Variants in CLMN observed in about 807,000 individuals in gnomAD.
The protein encoded by CLMN is calmin (calponin-like, transmembrane).
In CLMN, 57 loss-of-function variants were observed where a neutral mutation model predicts 92.7. The observed-to-expected ratio is 0.61, with a 90% CI of 0.50 to 0.77. The LOEUF (loss-of-function observed/expected upper bound fraction) is 0.77. Among genes scored for constraint, CLMN ranks in the 30% least tolerant of loss-of-function variants. The pLI is 0.00. For missense variants in CLMN, 1,158 were observed against 1,237.5 expected (o/e 0.94, Z 0.96); for synonymous variants, 466 against 470.6 (o/e 0.99, Z 0.13).
At chr14:95,307,158 G>T (rs1901320810) in intron 1 of CLMN, among the ~76,000 whole-genome samples, 1 of 152,114 alleles carries the variant, frequency 6.6e-6, no homozygotes, top group Admixed American at 6.6e-5. Flanking sequence ...CCACCAAAAA[G>T]ACATGGTCGG....
Position 95,193,376 on chromosome 14 carries a change from A to T in CLMN, c.2840+473T>A, listed in dbSNP as rs778995180. 5.2e-6 allele frequency: 8 copies of T among 1,535,034 alleles called. No homozygotes were observed. In the South Asian group the frequency reaches 8.3e-5, roughly 16 times the overall value. On this transcript the variant is annotated intron_variant, in intron 12 of 12. Coordinates refer to ENST00000298912, the MANE Select transcript of CLMN (RefSeq NM_024734.4). The stretch of plus-strand genomic sequence containing the variant: ...TCTTCATGTCTGCTCTGATGCCATA[A>T]AACTGTAAAATCAGCTCAGTAAGCT...
At chr14:95,198,155 T>C (rs759915837) in intron 9 of CLMN, among the ~76,000 whole-genome samples, 1 of 150,836 alleles carries the variant, frequency 6.6e-6, no homozygotes, top group Non-Finnish European at 1.5e-5. Flanking sequence ...GTTTAAGTGA[T>C]TTTTCTGCCT....
chr14:95,224,680 G>C (rs1266927285), intron 2 of CLMN, among the ~76,000 whole-genome samples: 1 of 152,182 alleles, frequency 6.6e-6, no homozygotes, highest in African/African-American at 2.4e-5. Context: ...CCTGTTTCCT[G>C]TATCCGGCCA....
At position 95,319,860 on chromosome 14, in the gene CLMN, G is replaced by C. The variant is rs1901974085; in HGVS notation, c.-68C>G. The C allele has an allele frequency of 1.1e-6, 1 of 918,192 alleles. No homozygotes were observed. The highest frequency in any genetic ancestry group is 2.1e-5 in the African/African-American group (1 of 48,448). 56.9% of individuals were successfully genotyped at this position (918,192 alleles called of 1,614,324 possible). Reference sequence around the variant, plus strand: ...CGGGCGCGGAGAGCCTGGCTGGCGGGCGCGCGAGCGGCACGCACCCGGCGA... The same window carrying C: ...CGGGCGCGGAGAGCCTGGCTGGCGGCCGCGCGAGCGGCACGCACCCGGCGA... On this transcript the variant is annotated 5_prime_UTR_variant, in exon 1 of 13. Coordinates refer to ENST00000298912, the MANE Select transcript of CLMN (RefSeq NM_024734.4).
Position 95,313,837 on chromosome 14 carries a change from T to G in CLMN, c.82+5874A>C, listed in dbSNP as rs116678321. Among the ~76,000 whole-genome samples, 567 of 152,272 alleles carry G rather than the reference T, an allele frequency of 3.7e-3. 1 individual carries two copies. Among genetic ancestry groups the G allele is most frequent in the African/African-American group, 0.013 (542 of 41,558 alleles). On this transcript the variant is annotated intron_variant, in intron 1 of 12. Coordinates refer to ENST00000298912, the MANE Select transcript of CLMN (RefSeq NM_024734.4). ...TTGTCCAGAGCCTCAGCTATTTCAG[T>G]GAAAAATTAAATGCCAGAGTGTTCC...
intron 1 of CLMN, among the ~76,000 whole-genome samples, chr14:95,313,581 T>C (rs1566927940): frequency 6.6e-6 from 1 of 151,908 alleles, no homozygotes; most frequent in African/African-American, 2.4e-5. Context: ...GCTGCACTTA[T>C]GATTTCTGAT....
chr14:95,221,904 A>G, intron 3 of CLMN, 130 bp from the exon 4 acceptor site: 2 of 787,250 alleles, frequency 2.5e-6, no homozygotes, highest in Non-Finnish European at 4.0e-6. Flanking sequence ...GCTCACAGCT[A>G]AAACCCACCT....
In CLMN at chr14:95,200,487, C is replaced by T. The variant is rs138184635; in HGVS notation, c.2511+2351G>A. 3.6e-3 allele frequency among the ~76,000 whole-genome samples: 555 copies of T among 152,312 alleles called. 6 individuals carry two copies. The highest frequency in any genetic ancestry group is 0.012 in the African/African-American group (516 of 41,576). ...CCCTTCTCCTCCCTGGCTGTCTTGC[C>T]CTGGATGCCCTGTGTGCACTATATC... On this transcript the variant is annotated intron_variant, in intron 9 of 12. Coordinates refer to ENST00000298912, the MANE Select transcript of CLMN (RefSeq NM_024734.4).
At chr14:95,289,522 CAAAA>C (rs1566915819) in intron 1 of CLMN, among the ~76,000 whole-genome samples, 2 of 149,066 alleles carry the variant, frequency 1.3e-5, no homozygotes, top group East Asian at 2.0e-4. Flanking sequence ...AACAAACAAA[CAAAA>C]AAACCGTTGT....
At chr14:95,312,091 A>G (rs149028213) in intron 1 of CLMN, among the ~76,000 whole-genome samples, 1 of 152,254 alleles carries the variant, frequency 6.6e-6, no homozygotes, top group Non-Finnish European at 1.5e-5. Flanking sequence ...AGAAACCTAC[A>G]GGGCAGTCTA....
chr14:95,251,109 A>G (rs1223308501), intron 1 of CLMN, among the ~76,000 whole-genome samples: 1 of 152,114 alleles, frequency 6.6e-6, no homozygotes, highest in Non-Finnish European at 1.5e-5. Flanking sequence ...TGGAATACGC[A>G]TTTGGCGTCT....
chr14:95,268,069 G>A (rs193151705), intron 1 of CLMN, among the ~76,000 whole-genome samples: 39 of 152,226 alleles, frequency 2.6e-4, no homozygotes, highest in South Asian at 4.2e-4. Context: ...TAAAAATTCC[G>A]TTGGATAAAA....
At chr14:95,304,175 A>C (rs1472757721) in intron 1 of CLMN, among the ~76,000 whole-genome samples, 3 of 152,112 alleles carry the variant, frequency 2.0e-5, no homozygotes, top group African/African-American at 7.2e-5. Flanking sequence ...TTGTCTCTAC[A>C]AAAAAATAAA....
chr14:95,249,993 G>C (rs915999792), intron 1 of CLMN, among the ~76,000 whole-genome samples: 2 of 152,140 alleles, frequency 1.3e-5, no homozygotes, highest in African/African-American at 4.8e-5. Flanking sequence ...CTTTTTAAAA[G>C]GGGGCAGACA....
At chr14:95,223,576 G>A (rs1316815900) in intron 3 of CLMN, among the ~76,000 whole-genome samples, 184 bp downstream of exon 3, 1 of 151,614 alleles carries the variant, frequency 6.6e-6, no homozygotes, top group Non-Finnish European at 1.5e-5. Context: ...AAATACATTG[G>A]CTTAAAAAAA....
In CLMN at chr14:95,256,967, T is replaced by C. The variant is rs1031819516; in HGVS notation, c.83-26834A>G. On this transcript the variant is annotated intron_variant, in intron 1 of 12. Transcript: ENST00000298912. The surrounding 1 kb of genome is among the most constrained non-coding windows in gnomAD (Gnocchi z 4.9). ...AGGCTGGGTGGCATCTAATGATGAA[T>C]GATGTGTTCTGAGACTGGTTAAGCC... Among the ~76,000 whole-genome samples the C allele has an allele frequency of 6.6e-6, 1 of 152,134 alleles. No homozygotes were observed. The highest frequency in any genetic ancestry group is 2.4e-5 in the African/African-American group (1 of 41,428).
At position 95,185,882 on chromosome 14, in the gene CLMN, A is replaced by G. The variant is rs1470572272; in HGVS notation, c.*5682T>C. 1.3e-5 allele frequency: 2 copies of G among 152,228 alleles called. No homozygotes were observed. Among genetic ancestry groups the G allele is most frequent in the South Asian group, 2.1e-4 (1 of 4,830 alleles). The allele number at this position is 152,228 out of a possible 1,614,324, so 9.4% of individuals were successfully genotyped here. ...ATTCTTGTCATACAACTGCCTTCCA[A>G]TGGCATGACCACGGAAGGAGAACAG... On this transcript the variant is annotated 3_prime_UTR_variant, in exon 13 of 13. Transcript: ENST00000298912.
In CLMN at chr14:95,191,873, C is replaced by T; in HGVS notation, c.2841-141G>A. On this transcript the variant is annotated intron_variant, in intron 12 of 12. Coordinates refer to ENST00000298912, the MANE Select transcript of CLMN (RefSeq NM_024734.4). The surrounding 1 kb of genome is among the most constrained non-coding windows in gnomAD (Gnocchi z 5.3). Reference sequence around the variant, plus strand: ...CTCCCCAGCACCATGTCCAGGTAGGCCCCACACTGTGTGTACTGGCCCAAG... The same window carrying T: ...CTCCCCAGCACCATGTCCAGGTAGGTCCCACACTGTGTGTACTGGCCCAAG... 1 of 750,402 alleles carries T rather than the reference C, an allele frequency of 1.3e-6. No homozygotes were observed. Among genetic ancestry groups the T allele is most frequent in the Non-Finnish European group, 2.1e-6 (1 of 473,542 alleles). 46.5% of individuals were successfully genotyped at this position (750,402 alleles called of 1,614,324 possible).
intron 1 of CLMN, among the ~76,000 whole-genome samples, chr14:95,235,558 C>T (rs1898024387): frequency 6.6e-6 from 1 of 152,180 alleles, no homozygotes; most frequent in Non-Finnish European, 1.5e-5. Flanking sequence ...AAGGGAATGA[C>T]TCGTGGGCAC....
Sources: allele counts gnomAD v4.1 joint callset (sites outside exome capture counted in the v4.1 genomes callset), GRCh38; gene constraint gnomAD v4.1.1; non-coding constraint Gnocchi (gnomAD v3.1); transcripts MANE v1.5; gene names NCBI Gene and HGNC (gene_info 2026-07-23, HGNC 2026-07-21).